TNIK: variants seen among roughly 807,000 people sequenced by gnomAD.
The protein encoded by TNIK is TRAF2 and NCK-interacting protein kinase.
Under a neutral mutation model 191.3 loss-of-function variants are expected in TNIK, and 49 were observed. The observed-to-expected ratio is 0.26, with a 90% CI of 0.20 to 0.32. The LOEUF (loss-of-function observed/expected upper bound fraction) is 0.32. TNIK is among the 10% of genes least tolerant of loss of function. TNIK has a pLI of 1.00. For synonymous variants in TNIK, 594 were observed against 600.9 expected, an observed-to-expected ratio of 0.99 and a Z score of 0.17; for missense variants, 1,155 against 1,702.3, an observed-to-expected ratio of 0.68 and a Z score of 5.66.
At chr3:171,177,235 G>T in intron 8 of TNIK, 91 bp downstream of exon 8, 1 of 1,375,106 alleles carries the variant, frequency 7.3e-7, no homozygotes, top group Non-Finnish European at 1.0e-6. Flanking sequence ...TCGGTGTAGT[G>T]GAAGTAAAGC....
intron 21 of TNIK, among the ~76,000 whole-genome samples, chr3:171,103,922 TGTTAAAATGACATAC>T (rs1336239817): frequency 1.3e-5 from 2 of 152,122 alleles, no homozygotes; most frequent in Non-Finnish European, 2.9e-5. Flanking sequence ...AACTTTCACT[TGTTAAAATGACATAC>T]ATTTTTCTAA....
chr3:171,066,778 A>G, intron 30 of TNIK, 43 bp from the exon 31 acceptor site: 1 of 1,583,340 alleles, frequency 6.3e-7, no homozygotes, highest in Non-Finnish European at 8.6e-7. Flanking sequence ...TTTAAAAAAT[A>G]AAACACCTTG....
At chr3:171,309,326 C>T (rs1413321208) in intron 2 of TNIK, among the ~76,000 whole-genome samples, 1 of 152,056 alleles carries the variant, frequency 6.6e-6, no homozygotes, top group African/African-American at 2.4e-5. Context: ...TGTATATTCT[C>T]ACTTAATAAG....
At chr3:171,249,098 C>A (rs1279611134) in intron 2 of TNIK, among the ~76,000 whole-genome samples, 1 of 152,180 alleles carries the variant, frequency 6.6e-6, no homozygotes, top group Non-Finnish European at 1.5e-5. Flanking sequence ...TAAAGTGTAT[C>A]TTTGCATACT....
chr3:171,347,286 C>T lies in TNIK; in HGVS notation c.123+22334G>A, dbSNP rs548375088. 3.4e-6 allele frequency: 5 copies of T among 1,477,848 alleles called. No individual in the cohort carries two copies. The South Asian group carries it at 6.3e-5, about 19-fold the overall frequency. 91.5% of individuals were successfully genotyped at this position (1,477,848 alleles called of 1,614,324 possible). On this transcript the variant is annotated intron_variant, in intron 2 of 32. Transcript: ENST00000436636. ...GCTCAGGCACCAAACACATAGAGCA[C>T]ACTCTCTTCTCTTTGACAGCCAAGC...
At position 171,063,967 on chromosome 3, in the gene TNIK, GT is replaced by G. The variant is rs1718103645; in HGVS notation, c.4000-4del. ...GATCGCACGGATGCAAAAAATACCTGTTTGAAATTAAAAAGAAGTTAGTTCA... is the reference window on the plus strand; with the variant it reads ...GATCGCACGGATGCAAAAAATACCTGTTGAAATTAAAAAGAAGTTAGTTCA... On this transcript the variant is annotated splice_region_variant and splice_polypyrimidine_tract_variant and intron_variant, in intron 32 of 32. Transcript: ENST00000436636. 5 of 1,613,236 alleles carry G rather than the reference GT, an allele frequency of 3.1e-6. No individual in the cohort carries two copies. In the East Asian group the frequency reaches 1.1e-4, roughly 36 times the overall value.
At chr3:171,271,081 C>T (rs1749032073) in intron 2 of TNIK, among the ~76,000 whole-genome samples, 2 of 152,208 alleles carry the variant, frequency 1.3e-5, no homozygotes, top group South Asian at 2.1e-4. Flanking sequence ...TAGAGACTCA[C>T]TACATCTGAG....
intron 16 of TNIK, 114 bp from the exon 17 acceptor site, chr3:171,126,265 TATAG>T: frequency 7.6e-7 from 1 of 1,324,052 alleles, no homozygotes; most frequent in Non-Finnish European, 9.9e-7. Context: ...AAAATTGGAC[TATAG>T]AGAGTCTATC....
intron 4 of TNIK, among the ~76,000 whole-genome samples, chr3:171,196,883 T>C (rs1486352432): frequency 6.6e-6 from 1 of 151,844 alleles, no homozygotes; most frequent in Non-Finnish European, 1.5e-5. Flanking sequence ...GCCTCTCGAG[T>C]AGCTGGGACT....
chr3:171,287,908 G>A (rs1433203125), intron 2 of TNIK, among the ~76,000 whole-genome samples: 5 of 151,676 alleles, frequency 3.3e-5, no homozygotes, highest in Non-Finnish European at 7.4e-5. Flanking sequence ...GCAAAGACTT[G>A]GAACCAACCC....
chr3:171,250,371 A>C (rs1746091655), intron 2 of TNIK, among the ~76,000 whole-genome samples: 1 of 152,238 alleles, frequency 6.6e-6, no homozygotes, highest in African/African-American at 2.4e-5. Flanking sequence ...GTACCTTAAA[A>C]ATTCCAAGAT....
chr3:171,392,464 C>G (rs1719662724), intron 1 of TNIK, among the ~76,000 whole-genome samples: 1 of 152,140 alleles, frequency 6.6e-6, no homozygotes, highest in African/African-American at 2.4e-5. Context: ...CAAAGACCAT[C>G]AGCGTTGATC....
In TNIK at chr3:171,058,795, A is replaced by G. The variant is rs1717580489; in HGVS notation, c.*5086T>C. Among the ~76,000 whole-genome samples the G allele has an allele frequency of 6.6e-6, 1 of 152,242 alleles. No homozygotes were observed. Among genetic ancestry groups the G allele is most frequent in the African/African-American group, 2.4e-5 (1 of 41,468 alleles). Reference sequence around the variant, plus strand: ...TTTGGCATCTCTCTACAGTTATATTAACATAAATAAGGCAGCTAAAACGTT... The same window carrying G: ...TTTGGCATCTCTCTACAGTTATATTGACATAAATAAGGCAGCTAAAACGTT... On this transcript the variant is annotated 3_prime_UTR_variant, in exon 33 of 33. Transcript: ENST00000436636.
At chr3:171,301,377 C>A (rs1042092562) in intron 2 of TNIK, among the ~76,000 whole-genome samples, 2 of 149,468 alleles carry the variant, frequency 1.3e-5, no homozygotes, top group African/African-American at 2.5e-5. Flanking sequence ...TGCAGTGGCA[C>A]AATCTCTGCT....
At chr3:171,286,400 A>AT in intron 2 of TNIK, among the ~76,000 whole-genome samples, 1 of 152,178 alleles carries the variant, frequency 6.6e-6, no homozygotes, top group East Asian at 1.9e-4. Flanking sequence ...AATTTAAGTC[A>AT]TTTTTCATAG....
intron 12 of TNIK, among the ~76,000 whole-genome samples, chr3:171,142,208 C>T (rs914139439): frequency 8.5e-5 from 13 of 152,196 alleles, no homozygotes; most frequent in Admixed American, 7.2e-4. Flanking sequence ...TTCATGCAGC[C>T]AAATGACTTG....
chr3:171,343,876 A>G (rs1354101549), intron 2 of TNIK, among the ~76,000 whole-genome samples: 6 of 152,148 alleles, frequency 3.9e-5, no homozygotes. Flanking sequence ...TAGATGCCTC[A>G]CTCACTTGTT....
chr3:171,161,588 AT>A (rs1560200451), intron 10 of TNIK, among the ~76,000 whole-genome samples: 1 of 152,292 alleles, frequency 6.6e-6, no homozygotes, highest in African/African-American at 2.4e-5. Context: ...TTAAAAAATA[AT>A]TTTTTAATTT....
intron 2 of TNIK, among the ~76,000 whole-genome samples, chr3:171,330,172 A>C (rs1055129357): frequency 6.6e-6 from 1 of 152,230 alleles, no homozygotes; most frequent in Admixed American, 6.5e-5. Context: ...GAGAAGGCCT[A>C]GCTGTGCTGG....
Sources: gnomAD v4.1 joint callset for allele counts (sites outside exome capture counted in the v4.1 genomes callset) on GRCh38, gnomAD v4.1.1 for gene constraint, MANE v1.5 for transcripts, NCBI Gene and HGNC (gene_info 2026-07-23, HGNC 2026-07-21) for gene names.